The following MTSS1 variants were observed in gnomAD, a reference collection of about 807,000 sequenced individuals.
MTSS1 encodes the protein MTSS I-BAR domain containing 1.
MTSS1 carries 18 observed loss-of-function variants against 79.0 expected under a neutral mutation model. The observed-to-expected ratio is 0.23, with a 90% CI of 0.16 to 0.34. The LOEUF (loss-of-function observed/expected upper bound fraction) is 0.34. Ranked by LOEUF, MTSS1 falls within the 10% of genes least tolerant of loss-of-function variation. MTSS1 has a pLI of 1.00. For synonymous variants in MTSS1, 341 were observed against 368.6 expected (o/e 0.93, Z 0.86); for missense variants, 815 against 986.2 (o/e 0.83, Z 2.33).
intron 6 of MTSS1, 53 bp downstream of exon 6, chr8:124,585,034 A>C: frequency 6.7e-7 from 1 of 1,496,056 alleles, no homozygotes; most frequent in Non-Finnish European, 9.2e-7. Context: ...CTTCAAAAAC[A>C]AATCAAGTAC....
chr8:124,553,437 G>A lies in MTSS1; in HGVS notation c.1823C>T (p.Pro608Leu), dbSNP rs1295188340. The A allele has an allele frequency of 6.2e-7, 1 of 1,607,582 alleles. No individual in the cohort carries two copies. The highest frequency in any genetic ancestry group is 8.5e-7 in the Non-Finnish European group (1 of 1,175,624). The change falls in exon 14 of 14, where the codon CCC becomes CTC. Residue 608 changes from proline (P) to leucine (L), a missense_variant. Pro to Leu is a moderately conservative substitution (Grantham distance 98, BLOSUM62 -3). Coordinates refer to ENST00000518547, the MANE Select transcript of MTSS1 (RefSeq NM_014751.6). This position sits in a 1 kb window ranked among gnomAD's most constrained non-coding sequence, Gnocchi z 6.0. ...SVRRGTIGAG[P>L]IPIKTPVIPV... The stretch of plus-strand genomic sequence containing the variant: ...GATCACGGGTGTCTTGATGGGGATG[G>A]GACCAGCTCCAATGGTTCCCCGGCG...
intron 3 of MTSS1, among the ~76,000 whole-genome samples, chr8:124,659,438 G>A (rs557529680): frequency 1.3e-5 from 2 of 152,146 alleles, no homozygotes; most frequent in South Asian, 2.1e-4. Context: ...TAGGAAGGTC[G>A]CCCTTTAAAG....
chr8:124,655,529 T>C (rs1220052291), intron 3 of MTSS1, among the ~76,000 whole-genome samples: 1 of 152,222 alleles, frequency 6.6e-6, no homozygotes, highest in Non-Finnish European at 1.5e-5. Flanking sequence ...AATAGTCATC[T>C]GGCACCACGC....
intron 6 of MTSS1, among the ~76,000 whole-genome samples, chr8:124,573,765 T>C (rs1028896006): frequency 5.9e-5 from 9 of 152,264 alleles, no homozygotes; most frequent in Non-Finnish European, 8.8e-5. Flanking sequence ...CTTTCGGCTT[T>C]CTTCTGTAAT....
At chr8:124,722,835 C>T (rs1295729598) in intron 1 of MTSS1, among the ~76,000 whole-genome samples, 2 of 152,060 alleles carry the variant, frequency 1.3e-5, no homozygotes, top group African/African-American at 2.4e-5. Flanking sequence ...AAGGCAGTTC[C>T]GAGAAGTAAT....
rs189290353 is a variant in MTSS1 at position 124,567,724 on chromosome 8, G to T, written c.619-546C>A. On this transcript the variant is annotated intron_variant, in intron 7 of 13. Coordinates refer to ENST00000518547, the MANE Select transcript of MTSS1 (RefSeq NM_014751.6). The stretch of plus-strand genomic sequence containing the variant: ...CCCATGTGCTTTATCGAAGTGCCAA[G>T]TTGGGACCACGGGCCGGGCTAGAAC... The T allele has an allele frequency of 3.3e-4, 496 of 1,514,974 alleles. 1 individual carries two copies. The African/African-American group carries it at 5.1e-3, about 15-fold the overall frequency. 93.8% of individuals were successfully genotyped at this position (1,514,974 alleles called of 1,614,324 possible).
chr8:124,658,257 T>G (rs982989818), intron 3 of MTSS1, among the ~76,000 whole-genome samples: 1 of 151,958 alleles, frequency 6.6e-6, no homozygotes, highest in African/African-American at 2.4e-5. Flanking sequence ...ATCATGGGGG[T>G]GGTTTCCCCT....
chr8:124,651,894 AG>A (rs993415452), intron 3 of MTSS1, among the ~76,000 whole-genome samples: 3 of 152,166 alleles, frequency 2.0e-5, no homozygotes, highest in Non-Finnish European at 4.4e-5. Flanking sequence ...CCCAGACCCC[AG>A]GGTTCCTTAG....
chr8:124,669,007 T>G lies in MTSS1; in HGVS notation c.208+30519A>C, dbSNP rs548122846. ...ACAGATATTCTGATTGTACCTGGCT[T>G]TTAAACTTTTTTACAAAGCAGGTTG... On this transcript the variant is annotated intron_variant, in intron 3 of 13. Transcript: ENST00000518547. Among the ~76,000 whole-genome samples, 111 of 152,222 alleles carry G rather than the reference T, an allele frequency of 7.3e-4. 2 individuals are homozygous for G. Among genetic ancestry groups the G allele is most frequent in the Non-Finnish European group, 2.2e-4 (15 of 68,044 alleles).
chr8:124,694,816 C>A (rs1408601093), intron 3 of MTSS1, among the ~76,000 whole-genome samples: 4 of 152,142 alleles, frequency 2.6e-5, no homozygotes, highest in Non-Finnish European at 4.4e-5. Context: ...CCAAGTCTAC[C>A]AGATACCTAG....
At chr8:124,641,869 A>C (rs1818114677) in intron 3 of MTSS1, among the ~76,000 whole-genome samples, 1 of 152,234 alleles carries the variant, frequency 6.6e-6, no homozygotes, top group South Asian at 2.1e-4. Flanking sequence ...CCAGATGTTA[A>C]ACAAAAAACT....
chr8:124,714,073 A>G (rs776671065), intron 1 of MTSS1, among the ~76,000 whole-genome samples: 7 of 152,164 alleles, frequency 4.6e-5, no homozygotes, highest in Non-Finnish European at 1.0e-4. Context: ...ATGATTTCAG[A>G]TAGTTCCTCC....
chr8:124,564,714 C>CACACACACACAT (rs1180715108), intron 9 of MTSS1: 2 of 152,250 alleles, frequency 1.3e-5, no homozygotes, highest in African/African-American at 4.8e-5. Context: ...CACACACACA[C>CACACACACACAT]ACACAGTCGA....
At chr8:124,673,384 CA>C (rs58244482) in intron 3 of MTSS1, 28,981 of 108,606 alleles carry the variant, frequency 0.27, 2,854 homozygotes, top group Admixed American at 0.37. Context: ...CTCTGTCTCA[CA>C]AAAAAAAAAA....
At chr8:124,672,675 T>C in intron 3 of MTSS1, among the ~76,000 whole-genome samples, 1 of 151,346 alleles carries the variant, frequency 6.6e-6, no homozygotes, top group South Asian at 2.1e-4. Context: ...CTGGGTGTGG[T>C]GGCATGCACC....
At chr8:124,680,370 CA>C (rs926939218) in intron 3 of MTSS1, among the ~76,000 whole-genome samples, 5 of 152,188 alleles carry the variant, frequency 3.3e-5, no homozygotes, top group Admixed American at 2.6e-4. Flanking sequence ...CTCCAGATGT[CA>C]AAGCTCCAGG....
chr8:124,660,421 C>T (rs1821787290), intron 3 of MTSS1, among the ~76,000 whole-genome samples: 1 of 138,280 alleles, frequency 7.2e-6, no homozygotes. Flanking sequence ...TAGAAAGTTG[C>T]CCATGCGCAT....
At chr8:124,720,444 A>G (rs1278940755) in intron 1 of MTSS1, among the ~76,000 whole-genome samples, 1 of 152,170 alleles carries the variant, frequency 6.6e-6, no homozygotes, top group East Asian at 1.9e-4. Flanking sequence ...AACTCAAAGG[A>G]TGTAGATGGG....
intron 6 of MTSS1, chr8:124,580,789 C>A: frequency 2.1e-6 from 1 of 478,928 alleles, no homozygotes; most frequent in African/African-American, 1.9e-5. Flanking sequence ...TAAACAAAAC[C>A]TTCCCAGTTA....
Sources: gnomAD v4.1 joint callset for allele counts (sites outside exome capture counted in the v4.1 genomes callset) on GRCh38, gnomAD v4.1.1 for gene constraint, Gnocchi (gnomAD v3.1) non-coding constraint, MANE v1.5 for transcripts, NCBI Gene and HGNC (gene_info 2026-07-23, HGNC 2026-07-21) for gene names.